Variants in NEGR1 observed in about 807,000 individuals in gnomAD.
NEGR1 encodes the protein neuronal growth regulator 1.
A neutral mutation model predicts 40.9 loss-of-function variants in NEGR1; 10 were observed. The observed-to-expected ratio is 0.24, with a 90% CI of 0.15 to 0.42. The LOEUF (loss-of-function observed/expected upper bound fraction) is 0.42. Among genes scored for constraint, NEGR1 ranks in the 10% least tolerant of loss-of-function variants. The probability of loss-of-function intolerance (pLI) is 1.00; values close to 1 mark genes in which losing one functional copy is unlikely to be tolerated. For missense variants in NEGR1, 352 were observed against 438.9 expected (o/e 0.80, Z 1.77); for synonymous variants, 185 against 166.8 (o/e 1.11, Z -0.84).
At chr1:72,267,399 T>C (rs991324558) in intron 1 of NEGR1, among the ~76,000 whole-genome samples, 2 of 150,570 alleles carry the variant, frequency 1.3e-5, no homozygotes, top group African/African-American at 4.9e-5. Context: ...AAAAAGAATA[T>C]TATCAAGAAT....
In NEGR1 at chr1:71,751,716, C is replaced by CA. The variant is rs574796506; in HGVS notation, c.535+24455dup. ...ATGTGCTAACTCCAAGCTACCTTTCCAAAAAAAAAAAAGCCTGTCTCATAA... is the reference window on the plus strand; with the variant it reads ...ATGTGCTAACTCCAAGCTACCTTTCCAAAAAAAAAAAAAGCCTGTCTCATAA... On this transcript the variant is annotated intron_variant, in intron 3 of 6. Coordinates refer to ENST00000357731, the MANE Select transcript of NEGR1 (RefSeq NM_173808.3). 1.9e-3 allele frequency among the ~76,000 whole-genome samples: 254 copies of CA among 135,822 alleles called. 3 individuals carry two copies. The Middle Eastern group carries it at 0.058, about 31-fold the overall frequency. The allele number at this position is 135,822 out of a possible 152,430, so 89.1% of individuals were successfully genotyped here.
At chr1:71,961,695 T>C (rs1473510075) in intron 1 of NEGR1, among the ~76,000 whole-genome samples, 2 of 152,156 alleles carry the variant, frequency 1.3e-5, no homozygotes, top group East Asian at 3.8e-4. Context: ...TCTGTCATCC[T>C]GGGCAACTCA....
chr1:71,561,178 C>A (rs1040015702), intron 6 of NEGR1, among the ~76,000 whole-genome samples: 1 of 151,624 alleles, frequency 6.6e-6, no homozygotes, highest in East Asian at 1.9e-4. Flanking sequence ...CTAGCCAATA[C>A]GGAGACCAAG....
At chr1:71,922,828 T>G (rs926879309) in intron 2 of NEGR1, among the ~76,000 whole-genome samples, 2 of 152,290 alleles carry the variant, frequency 1.3e-5, no homozygotes, top group Admixed American at 1.3e-4. Flanking sequence ...GGGGATTACT[T>G]TTTACTTCTC....
At chr1:71,805,764 C>T (rs912970058) in intron 2 of NEGR1, among the ~76,000 whole-genome samples, 25 of 152,098 alleles carry the variant, frequency 1.6e-4, no homozygotes, top group African/African-American at 6.0e-4. Context: ...TGCATGTGCA[C>T]CTGGTTTATT....
intron 1 of NEGR1, among the ~76,000 whole-genome samples, chr1:72,227,420 C>T (rs1328329621): frequency 2.6e-5 from 4 of 151,858 alleles, no homozygotes; most frequent in African/African-American, 9.7e-5. Context: ...AAGAATGATC[C>T]ATGAAGAAAA....
At chr1:71,679,453 A>T (rs1462097591) in intron 4 of NEGR1, among the ~76,000 whole-genome samples, 1 of 152,138 alleles carries the variant, frequency 6.6e-6, no homozygotes, top group East Asian at 1.9e-4. Flanking sequence ...ATTTTCTCTG[A>T]TATAATTTTA....
At chr1:72,076,890 CTTTTTT>C (rs56943357) in intron 1 of NEGR1, among the ~76,000 whole-genome samples, 1 of 101,690 alleles carries the variant, frequency 9.8e-6, no homozygotes, top group African/African-American at 4.1e-5. Flanking sequence ...CTCATTTATC[CTTTTTT>C]TTTTTTTTTT....
intron 3 of NEGR1, among the ~76,000 whole-genome samples, chr1:71,739,940 C>G (rs1655162716): frequency 6.6e-6 from 1 of 152,158 alleles, no homozygotes; most frequent in Non-Finnish European, 1.5e-5. Flanking sequence ...GTTCCCAAAA[C>G]ACTCCTTGTA....
chr1:71,771,695 G>T (rs1275457838), intron 3 of NEGR1, among the ~76,000 whole-genome samples: 9 of 6,146 alleles, frequency 1.5e-3, no homozygotes, highest in African/African-American at 1.7e-3. Flanking sequence ...GCAAGACTTA[G>T]TCTCAAAAAA....
chr1:72,271,176 C>T (rs1214983885), intron 1 of NEGR1, among the ~76,000 whole-genome samples: 2 of 151,750 alleles, frequency 1.3e-5, no homozygotes, highest in African/African-American at 4.8e-5. Context: ...ATAAACTTTG[C>T]AAATAAGCAA....
intron 1 of NEGR1, among the ~76,000 whole-genome samples, chr1:71,949,077 A>C (rs1646046249): frequency 6.6e-6 from 1 of 152,134 alleles, no homozygotes; most frequent in Admixed American, 6.6e-5. Flanking sequence ...CTAACACAGG[A>C]TTGAATCATA....
intron 1 of NEGR1, among the ~76,000 whole-genome samples, chr1:71,974,274 A>T (rs1287453957): frequency 6.6e-6 from 1 of 152,218 alleles, no homozygotes; most frequent in East Asian, 1.9e-4. Context: ...AGAGTCTCCT[A>T]TCTTGGTAAT....
chr1:72,070,271 C>CTT (rs1381857506), intron 1 of NEGR1, among the ~76,000 whole-genome samples: 3 of 151,890 alleles, frequency 2.0e-5, no homozygotes, highest in African/African-American at 4.8e-5. Flanking sequence ...TATTCAATAA[C>CTT]TTTTTTAAAT....
intron 1 of NEGR1, among the ~76,000 whole-genome samples, chr1:72,123,559 A>G (rs1039169992): frequency 1.3e-5 from 2 of 151,852 alleles, no homozygotes; most frequent in Non-Finnish European, 2.9e-5. Context: ...ATAAGTTTTC[A>G]AAAAGTTACC....
chr1:71,741,644 C>T (rs1039354252), intron 3 of NEGR1, among the ~76,000 whole-genome samples: 15 of 152,144 alleles, frequency 9.9e-5, no homozygotes, highest in African/African-American at 3.1e-4. Context: ...TTGAGAAGTA[C>T]ATTAGACCAT....
intron 6 of NEGR1, among the ~76,000 whole-genome samples, chr1:71,557,462 A>T (rs189301277): frequency 1.7e-4 from 26 of 151,738 alleles, no homozygotes; most frequent in Admixed American, 5.3e-4. Context: ...GGAGAAAATA[A>T]ATGTGAGGGA....
At chr1:71,456,253 A>C (rs1026990828) in intron 6 of NEGR1, among the ~76,000 whole-genome samples, 3 of 152,162 alleles carry the variant, frequency 2.0e-5, no homozygotes, top group Admixed American at 2.0e-4. Flanking sequence ...GCACTTTAAA[A>C]AATTTTTTTA....
chr1:71,418,521 T>C (rs1333479319), intron 6 of NEGR1, among the ~76,000 whole-genome samples: 1 of 152,008 alleles, frequency 6.6e-6, no homozygotes, highest in Admixed American at 6.6e-5. Flanking sequence ...AAGATCACAA[T>C]GCTCTGAACA....
Sources: gnomAD v4.1 joint callset for allele counts (sites outside exome capture counted in the v4.1 genomes callset) on GRCh38, gnomAD v4.1.1 for gene constraint, MANE v1.5 for transcripts, NCBI Gene and HGNC (gene_info 2026-07-23, HGNC 2026-07-21) for gene names.